The following HRH1 variants were observed in gnomAD, a reference collection of about 807,000 sequenced individuals.
HRH1 encodes histamine receptor H1.
A neutral mutation model predicts 10.3 loss-of-function variants in HRH1; 6 were observed. The ratio of observed to expected loss-of-function variants is 0.58; its 90% confidence interval spans 0.32 to 1.15. The LOEUF is 1.15. HRH1 is among the 50% of genes most tolerant of loss of function. The pLI, the probability that HRH1 is intolerant of heterozygous loss-of-function variation, is 0.05. For missense variants in HRH1, 514 were observed against 615.3 expected, an observed-to-expected ratio of 0.84 and a Z score of 1.74; for synonymous variants, 242 against 236.7, an observed-to-expected ratio of 1.02 and a Z score of -0.21.
chr3:11,240,072 G>A (rs563108336), intron 1 of HRH1, among the ~76,000 whole-genome samples: 82 of 152,182 alleles, frequency 5.4e-4, no homozygotes, highest in African/African-American at 1.9e-3. Flanking sequence ...GTGCCCAGGG[G>A]TCAGGGTTAC....
Position 11,225,442 on chromosome 3 carries a change from A to G in HRH1, c.-35-33561A>G, listed in dbSNP as rs554218988. Among the ~76,000 whole-genome samples the G allele has an allele frequency of 1.3e-5, 2 of 152,346 alleles. 1 individual carries two copies. The highest frequency in any genetic ancestry group is 4.8e-5 in the African/African-American group (2 of 41,586). On this transcript the variant is annotated intron_variant, in intron 1 of 1. Coordinates refer to ENST00000431010, the MANE Select transcript of HRH1 (RefSeq NM_001098212.2). The stretch of plus-strand genomic sequence containing the variant: ...GCCAGGGCAGATCTCTCAAACTCTG[A>G]TCTGGCAGGCACTCCAGGTAGCCCC...
intron 1 of HRH1, among the ~76,000 whole-genome samples, chr3:11,205,620 G>A (rs545245012): frequency 5.3e-5 from 8 of 151,600 alleles, no homozygotes; most frequent in East Asian, 1.9e-4. Context: ...CCCATGTTTC[G>A]CATGGGCAAG....
At chr3:11,157,756 G>A (rs545842987) in intron 1 of HRH1, among the ~76,000 whole-genome samples, 5 of 152,342 alleles carry the variant, frequency 3.3e-5, no homozygotes, top group Admixed American at 3.3e-4. Flanking sequence ...AAGGGCCATT[G>A]AAACTTGTTG....
intron 1 of HRH1, among the ~76,000 whole-genome samples, chr3:11,161,372 T>C (rs1415448349): frequency 6.6e-6 from 1 of 152,272 alleles, no homozygotes; most frequent in Non-Finnish European, 1.5e-5. Context: ...AGCTTTTCTT[T>C]GTTCCTGGAG....
At chr3:11,172,962 G>T (rs7632411) in intron 1 of HRH1, among the ~76,000 whole-genome samples, 13,096 of 152,186 alleles carry the variant, frequency 0.086, 947 homozygotes, top group African/African-American at 0.2. Context: ...CTCCCAAAGT[G>T]CTGGGATTAC....
intron 1 of HRH1, among the ~76,000 whole-genome samples, chr3:11,222,662 C>T (rs529474567): frequency 3.9e-5 from 6 of 152,072 alleles, no homozygotes; most frequent in South Asian, 2.1e-4. Context: ...TGTCTGCTGG[C>T]GAGCTGTGCG....
In HRH1 at chr3:11,179,503, C is replaced by T. The variant is rs1270700762; in HGVS notation, c.-36+24949C>T. Among the ~76,000 whole-genome samples the T allele has an allele frequency of 2.0e-5, 3 of 151,296 alleles. No homozygotes were observed. In the East Asian group the frequency reaches 5.9e-4, roughly 30 times the overall value. On this transcript the variant is annotated intron_variant, in intron 1 of 1. Transcript: ENST00000431010. ...GGCGTGGTGGCGGGCGCCTGTAGTC[C>T]CAGCTACTCGGGAGGCTGAGGCAGG...
upstream of HRH1, among the ~76,000 whole-genome samples, chr3:11,152,512 G>A (rs1574975659): frequency 6.6e-6 from 1 of 152,156 alleles, no homozygotes; most frequent in East Asian, 1.9e-4. Context: ...GTGAAACTTT[G>A]GGGAGGAATT....
chr3:11,167,084 C>T (rs1287420414), intron 1 of HRH1, among the ~76,000 whole-genome samples: 1 of 150,986 alleles, frequency 6.6e-6, no homozygotes, highest in Non-Finnish European at 1.5e-5. Flanking sequence ...CCTGCATTCT[C>T]CAGGCCTGTG....
chr3:11,173,413 T>G (rs56035167), intron 1 of HRH1, among the ~76,000 whole-genome samples: 6,125 of 151,816 alleles, frequency 0.04, 243 homozygotes, highest in African/African-American at 0.1. Context: ...TGCTTTGTTT[T>G]GTTTTTTGAG....
intron 1 of HRH1, among the ~76,000 whole-genome samples, chr3:11,164,329 G>A (rs145376310): frequency 6.6e-6 from 1 of 152,254 alleles, no homozygotes; most frequent in East Asian, 1.9e-4. Flanking sequence ...GATGTGATGG[G>A]GTGGGCGTGA....
chr3:11,262,297 C>G lies in HRH1; in HGVS notation c.*1796C>G, dbSNP rs974027322. On this transcript the variant is annotated 3_prime_UTR_variant, in exon 2 of 2. Coordinates refer to ENST00000431010, the MANE Select transcript of HRH1 (RefSeq NM_001098212.2). ...AAAATATGATGTTTAAAAGCATACTCTATGTGATTTATTTATTTCTACCTT... is the reference window on the plus strand; with the variant it reads ...AAAATATGATGTTTAAAAGCATACTGTATGTGATTTATTTATTTCTACCTT... 6.0e-6 allele frequency: 1 copy of G among 167,030 alleles called. No individual in the cohort carries two copies. Among genetic ancestry groups the G allele is most frequent in the Admixed American group, 6.5e-5 (1 of 15,284 alleles). The allele number at this position is 167,030 out of a possible 1,614,324, so 10.3% of individuals were successfully genotyped here. A position where few individuals can be genotyped will look rare whatever the true frequency, so the allele number is the denominator to read the frequency against.
intron 1 of HRH1, chr3:11,234,521 G>A (rs1350136273): frequency 7.0e-7 from 1 of 1,426,472 alleles, no homozygotes; most frequent in Non-Finnish European, 9.9e-7. Flanking sequence ...CCCAAGGCAT[G>A]GACGGTTCCA....
chr3:11,185,990 G>A (rs1223126806), intron 1 of HRH1, among the ~76,000 whole-genome samples: 1 of 152,160 alleles, frequency 6.6e-6, no homozygotes, highest in East Asian at 1.9e-4. Flanking sequence ...TGGAAGCCCC[G>A]ACCTCCAGCC....
intron 1 of HRH1, among the ~76,000 whole-genome samples, chr3:11,219,117 C>T (rs1423319829): frequency 1.3e-5 from 2 of 151,972 alleles, no homozygotes; most frequent in East Asian, 3.9e-4. Flanking sequence ...TCTTGAACTC[C>T]TGACCTCGTG....
upstream of HRH1, among the ~76,000 whole-genome samples, chr3:11,154,236 CG>C (rs1936721547): frequency 1.3e-5 from 2 of 152,138 alleles, no homozygotes; most frequent in South Asian, 4.1e-4. The surrounding 1 kb of genome is among the most constrained non-coding windows in gnomAD (Gnocchi z 4.4). Context: ...AGCCCGAGCC[CG>C]GGTACCCAGC....
In HRH1 at chr3:11,260,588, G is replaced by A; in HGVS notation, c.*87G>A. 3.9e-6 allele frequency: 5 copies of A among 1,287,824 alleles called. No homozygotes were observed. The South Asian group carries it at 5.8e-5, about 15-fold the overall frequency. 79.8% of individuals were successfully genotyped at this position (1,287,824 alleles called of 1,614,324 possible). A position where few individuals can be genotyped will look rare whatever the true frequency, so the allele number is the denominator to read the frequency against. The stretch of plus-strand genomic sequence containing the variant: ...CGAAGGCCTGTGTGTTGCCAGGCAG[G>A]CACCTGGGCTTTCTGGAATCCAAAC... On this transcript the variant is annotated 3_prime_UTR_variant, in exon 2 of 2. Transcript: ENST00000431010.
intron 1 of HRH1, among the ~76,000 whole-genome samples, chr3:11,212,002 T>C (rs2125034690): frequency 6.6e-6 from 1 of 152,108 alleles, no homozygotes; most frequent in East Asian, 1.9e-4. Flanking sequence ...CAAGTCAGAA[T>C]AGCTGGTTAG....
intron 1 of HRH1, among the ~76,000 whole-genome samples, chr3:11,184,917 C>CAA (rs11360744): frequency 8.6e-4 from 101 of 117,232 alleles, no homozygotes; most frequent in South Asian, 6.4e-3. Flanking sequence ...GACTCCATTT[C>CAA]AAAAAAAAAA....
Sources: allele counts gnomAD v4.1 joint callset (sites outside exome capture counted in the v4.1 genomes callset), GRCh38; gene constraint gnomAD v4.1.1; non-coding constraint Gnocchi (gnomAD v3.1); transcripts MANE v1.5; gene names NCBI Gene and HGNC (gene_info 2026-07-23, HGNC 2026-07-21).